Variants in VEPH1 observed in about 807,000 individuals in gnomAD.
The protein encoded by VEPH1 is ventricular zone-expressed PH domain-containing protein homolog 1.
A neutral mutation model predicts 85.2 loss-of-function variants in VEPH1; 80 were observed. The ratio of observed to expected loss-of-function variants is 0.94; its 90% CI spans 0.78 to 1.13. The LOEUF is 1.13. VEPH1 is among the 50% of genes most tolerant of loss of function. The pLI is 0.00. For missense variants in VEPH1, 955 were observed against 980.5 expected (o/e 0.97, Z 0.35); for synonymous variants, 297 against 348.0 (o/e 0.85, Z 1.63).
At chr3:157,487,280 C>A (rs1474316668) in intron 2 of VEPH1, among the ~76,000 whole-genome samples, 1 of 151,924 alleles carries the variant, frequency 6.6e-6, no homozygotes, top group African/African-American at 2.4e-5. Context: ...TCAATGAATA[C>A]AGAAGCTGCC....
intron 9 of VEPH1, among the ~76,000 whole-genome samples, chr3:157,327,221 C>G (rs911935291): frequency 6.6e-6 from 1 of 152,160 alleles, no homozygotes; most frequent in Non-Finnish European, 1.5e-5. Context: ...TCCACCACCA[C>G]AAGGGAGCAG....
At chr3:157,481,013 C>T (rs988214282) in intron 2 of VEPH1, among the ~76,000 whole-genome samples, 6 of 152,082 alleles carry the variant, frequency 3.9e-5, no homozygotes, top group African/African-American at 1.4e-4. Context: ...GGGATAGTAT[C>T]TCATTGTGAT....
chr3:157,474,809 T>C (rs1261789402), intron 2 of VEPH1, among the ~76,000 whole-genome samples: 2 of 149,396 alleles, frequency 1.3e-5, no homozygotes, highest in African/African-American at 5.0e-5. Flanking sequence ...ATCTGTTAAT[T>C]TGGCATGGTG....
chr3:157,396,043 T>C (rs765298007), intron 6 of VEPH1, among the ~76,000 whole-genome samples: 49 of 152,216 alleles, frequency 3.2e-4, no homozygotes, highest in Non-Finnish European at 4.6e-4. Context: ...CACTAGGTAT[T>C]AAGTCTTGCA....
In VEPH1 at chr3:157,397,561, G is replaced by GT. The variant is rs557799639; in HGVS notation, c.907-16186dup. Among the ~76,000 whole-genome samples the GT allele has an allele frequency of 5.1e-3, 775 of 152,210 alleles. 3 individuals are homozygous for GT. Among genetic ancestry groups the GT allele is most frequent in the Middle Eastern group, 0.014 (4 of 294 alleles). The stretch of plus-strand genomic sequence containing the variant: ...TTCTTCCTATCAATGAGTATGGTAT[G>GT]TTTTTTCATTTGTTTGTGTCCTCTC... On this transcript the variant is annotated intron_variant, in intron 6 of 13. Transcript: ENST00000362010.
intron 13 of VEPH1, among the ~76,000 whole-genome samples, chr3:157,263,112 A>T (rs978546810): frequency 9.9e-5 from 15 of 152,190 alleles, no homozygotes; most frequent in African/African-American, 3.6e-4. Context: ...CTCAGCTCTA[A>T]TTTTAAAATG....
chr3:157,379,641 A>T (rs1261592012), intron 7 of VEPH1, among the ~76,000 whole-genome samples: 9 of 152,194 alleles, frequency 5.9e-5, no homozygotes. Context: ...TCACTACTCT[A>T]TCAAGATGGC....
chr3:157,495,203 T>C lies in VEPH1; in HGVS notation c.138+9A>G. The C allele has an allele frequency of 6.2e-7, 1 of 1,613,446 alleles. No individual in the cohort carries two copies. Among genetic ancestry groups the C allele is most frequent in the Non-Finnish European group, 8.5e-7 (1 of 1,179,626 alleles). ...TTCAGAGATGTAGTCTATAAACCAG[T>C]TTACTTACTGAAGATGAGCTAATTA... On this transcript the variant is annotated intron_variant, in intron 2 of 13. Transcript: ENST00000362010.
chr3:157,304,045 A>C lies in VEPH1; in HGVS notation c.2010+9576T>G, dbSNP rs550371665. Among the ~76,000 whole-genome samples the C allele has an allele frequency of 5.9e-4, 85 of 143,662 alleles. 2 individuals carry two copies. Among genetic ancestry groups the C allele is most frequent in the African/African-American group, 2.1e-3 (83 of 39,724 alleles). The allele number at this position is 143,662 out of a possible 152,430, so 94.2% of individuals were successfully genotyped here. On this transcript the variant is annotated intron_variant, in intron 11 of 13. Coordinates refer to ENST00000362010, the MANE Select transcript of VEPH1 (RefSeq NM_001167912.2). ...TTTTTATATATATATATATACACAC[A>C]TACTGTTACATCTTATATATAATAG...
At chr3:157,448,026 C>T (rs1410936120) in intron 4 of VEPH1, among the ~76,000 whole-genome samples, 1 of 151,796 alleles carries the variant, frequency 6.6e-6, no homozygotes, top group Non-Finnish European at 1.5e-5. Context: ...GAACTATGGG[C>T]CCAGAATTGT....
At chr3:157,478,428 G>A (rs751229441) in intron 2 of VEPH1, among the ~76,000 whole-genome samples, 4 of 152,076 alleles carry the variant, frequency 2.6e-5, no homozygotes, top group African/African-American at 9.7e-5. Flanking sequence ...AGTTTATATA[G>A]ATGACACTGA....
intron 9 of VEPH1, among the ~76,000 whole-genome samples, chr3:157,328,168 T>C (rs1007283356): frequency 2.0e-5 from 3 of 152,206 alleles, no homozygotes; most frequent in Non-Finnish European, 4.4e-5. Context: ...CTTCCAGTGC[T>C]GTCACTAGGA....
At chr3:157,482,160 T>C (rs2109609298) in intron 2 of VEPH1, among the ~76,000 whole-genome samples, 1 of 152,274 alleles carries the variant, frequency 6.6e-6, no homozygotes, top group Non-Finnish European at 1.5e-5. Flanking sequence ...TTTGACTCTT[T>C]TTTGGTTATA....
chr3:157,375,807 T>A (rs911266270), intron 7 of VEPH1, among the ~76,000 whole-genome samples: 1 of 152,202 alleles, frequency 6.6e-6, no homozygotes, highest in African/African-American at 2.4e-5. Context: ...TCAGGCCTGA[T>A]TCTTAAAGTG....
intron 9 of VEPH1, 146 bp downstream of exon 9, chr3:157,363,218 A>AC (rs1726247899): frequency 5.3e-6 from 4 of 753,058 alleles, no homozygotes; most frequent in Non-Finnish European, 7.9e-6. Context: ...AAAAAAAAAA[A>AC]CTAACATAAT....
At chr3:157,369,657 T>C (rs1727266306) in intron 7 of VEPH1, among the ~76,000 whole-genome samples, 1 of 152,206 alleles carries the variant, frequency 6.6e-6, no homozygotes, top group African/African-American at 2.4e-5. Flanking sequence ...TCCAATAAAT[T>C]GGAAGGTCAG....
intron 9 of VEPH1, among the ~76,000 whole-genome samples, chr3:157,336,576 C>T (rs1212496608): frequency 1.3e-5 from 2 of 152,194 alleles, no homozygotes; most frequent in Non-Finnish European, 2.9e-5. Flanking sequence ...TAAGCGTATA[C>T]CTTTTATTTC....
chr3:157,336,046 C>T (rs1480400127), intron 9 of VEPH1, among the ~76,000 whole-genome samples: 1 of 152,194 alleles, frequency 6.6e-6, no homozygotes, highest in Non-Finnish European at 1.5e-5. Flanking sequence ...TCATTTTCTA[C>T]TCCTTCCTTA....
At chr3:157,365,639 C>A (rs922025870) in intron 7 of VEPH1, among the ~76,000 whole-genome samples, 2 of 152,122 alleles carry the variant, frequency 1.3e-5, no homozygotes, top group African/African-American at 4.8e-5. Flanking sequence ...ACCACCCCAC[C>A]CCCATGGTTC....
Sources: allele counts gnomAD v4.1 joint callset (sites outside exome capture counted in the v4.1 genomes callset), GRCh38; gene constraint gnomAD v4.1.1; transcripts MANE v1.5; gene names NCBI Gene and HGNC (gene_info 2026-07-23, HGNC 2026-07-21).